The following CNOT2 variants were observed in gnomAD, a reference collection of about 807,000 sequenced individuals.
CNOT2 encodes the protein CC chemokine receptor 4-negative regulator of transcription 2.
Under a neutral mutation model 72.1 loss-of-function variants are expected in CNOT2, and 7 were observed. The ratio of observed to expected loss-of-function variants is 0.10; its 90% CI spans 0.06 to 0.18. CNOT2 has a LOEUF of 0.18. Ranked by LOEUF, CNOT2 falls within the 10% of genes least tolerant of loss-of-function variation. The pLI is 1.00. For synonymous variants in CNOT2, 196 were observed against 225.6 expected, an observed-to-expected ratio of 0.87 and a Z score of 1.17; for missense variants, 345 against 660.3, an observed-to-expected ratio of 0.52 and a Z score of 5.23.
intron 4 of CNOT2, among the ~76,000 whole-genome samples, chr12:70,326,432 T>A (rs898320610): frequency 6.6e-6 from 1 of 150,792 alleles, no homozygotes; most frequent in African/African-American, 2.4e-5. Context: ...CAAGAAAAAC[T>A]CCTTGAGTTC....
At position 70,335,484 on chromosome 12, in the gene CNOT2, A is replaced by C; in HGVS notation, c.696A>C (p.Ala232=). The C allele has an allele frequency of 6.2e-7, 1 of 1,607,626 alleles. No individual in the cohort carries two copies. The highest frequency in any genetic ancestry group is 8.5e-7 in the Non-Finnish European group (1 of 1,174,364). Reference sequence around the variant, plus strand: ...GATTGGACCTTTCAGATTTCCCAGCATTAGCAGACCGAAACAGGAGGGAAG... The same window carrying C: ...GATTGGACCTTTCAGATTTCCCAGCCTTAGCAGACCGAAACAGGAGGGAAG... ...VTGLDLSDFP[A]LADRNRREGS... Residue 232 remains alanine (A), a synonymous_variant, in exon 8 of 16, where the codon GCA becomes GCC. Transcript: ENST00000229195.
At chr12:70,351,809 A>G (rs1055272883) in intron 15 of CNOT2, among the ~76,000 whole-genome samples, 1 of 152,236 alleles carries the variant, frequency 6.6e-6, no homozygotes, top group Admixed American at 6.5e-5. Context: ...GAACCAAGCA[A>G]TAAAATTATT....
chr12:70,283,930 A>ATTTTTTTTT (rs776119049), intron 2 of CNOT2, among the ~76,000 whole-genome samples: 8 of 117,426 alleles, frequency 6.8e-5, no homozygotes, highest in East Asian at 5.4e-4. Context: ...CATGATGTAA[A>ATTTTTTTTT]TTTTTTTTTT....
chr12:70,264,818 A>G (rs1174871490), intron 1 of CNOT2, among the ~76,000 whole-genome samples: 1 of 152,152 alleles, frequency 6.6e-6, no homozygotes, highest in African/African-American at 2.4e-5. Flanking sequence ...TGCTATTTCT[A>G]TTGAGATTTA....
chr12:70,339,089 TATACACACAC>T (rs1881140162), intron 11 of CNOT2, among the ~76,000 whole-genome samples: 1 of 132,566 alleles, frequency 7.5e-6, no homozygotes, highest in South Asian at 2.4e-4. Flanking sequence ...TATATATATA[TATACACACAC>T]ACACACACAC....
At chr12:70,301,652 A>G (rs1056748367) in intron 2 of CNOT2, 8 of 152,226 alleles carry the variant, frequency 5.3e-5, no homozygotes, top group African/African-American at 1.7e-4. Context: ...TTTTGCATCA[A>G]TGTTTATCAA....
At chr12:70,280,429 T>C (rs1869627766) in intron 2 of CNOT2, among the ~76,000 whole-genome samples, 1 of 152,196 alleles carries the variant, frequency 6.6e-6, no homozygotes, top group South Asian at 2.1e-4. Context: ...TCCGAATTGA[T>C]GAAAATGATT....
At chr12:70,274,334 G>A (rs986413540) in intron 1 of CNOT2, among the ~76,000 whole-genome samples, 1 of 152,010 alleles carries the variant, frequency 6.6e-6, no homozygotes, top group Non-Finnish European at 1.5e-5. Flanking sequence ...ATGGCTAAAT[G>A]CATTTACTGC....
At position 70,330,423 on chromosome 12, in the gene CNOT2, T is replaced by C. The variant is rs769958668; in HGVS notation, c.523T>C (p.Cys175Arg). ...SPNRSSPSII[C>R]MPKQQPSRQP... ...CAACAGAAGCTCGCCAAGCATAATA[T>C]GTATGCCAAAGCAGCAGCCTTCTCG... is the stretch of plus-strand genomic sequence containing the variant. The change falls in exon 6 of 16, where the codon TGT (cysteine) becomes CGT (arginine). Residue 175 changes from cysteine (C) to arginine (R), a missense_variant. Around this residue, in one of 4 missense-constraint regions of CNOT2, gnomAD observed 157 missense variants for 235.3 expected, o/e 0.67. Coordinates refer to ENST00000229195, the MANE Select transcript of CNOT2 (RefSeq NM_014515.7). 6.2e-7 allele frequency: 1 copy of C among 1,612,584 alleles called. No individual in the cohort carries two copies. The highest frequency in any genetic ancestry group is 1.1e-5 in the South Asian group (1 of 91,018).
chr12:70,258,291 T>G (rs1292071944), intron 1 of CNOT2, among the ~76,000 whole-genome samples: 2 of 152,134 alleles, frequency 1.3e-5, no homozygotes, highest in South Asian at 2.1e-4. Context: ...CCAAGGGGTT[T>G]AAACTGGATA....
rs1565837103 is a variant in CNOT2 at position 70,346,365 on chromosome 12, GA to G, written c.1536+47del. The G allele has an allele frequency of 2.6e-6, 4 of 1,520,588 alleles. No homozygotes were observed. In the South Asian group the frequency reaches 4.6e-5, roughly 17 times the overall value. 94.2% of individuals were successfully genotyped at this position (1,520,588 alleles called of 1,614,324 possible). A position where few individuals can be genotyped will look rare whatever the true frequency, so the allele number is the denominator to read the frequency against. ...TGTGCAAATGTATAAATCTAAACTT[GA>G]AAAAAGAAGTGTCCTCTTTTATCTG... On this transcript the variant is annotated intron_variant, in intron 15 of 15. Coordinates refer to ENST00000229195, the MANE Select transcript of CNOT2 (RefSeq NM_014515.7).
chr12:70,317,727 T>C (rs1877603766), intron 3 of CNOT2, among the ~76,000 whole-genome samples: 1 of 151,088 alleles, frequency 6.6e-6, no homozygotes, highest in Non-Finnish European at 1.5e-5. Context: ...ATGTGTACCA[T>C]TGGTCTAAAA....
chr12:70,268,489 A>G (rs1351889533), intron 1 of CNOT2, among the ~76,000 whole-genome samples: 2 of 152,082 alleles, frequency 1.3e-5, no homozygotes, highest in Non-Finnish European at 2.9e-5. Flanking sequence ...TCTTTTTCCC[A>G]GGCTGGAGTG....
intron 4 of CNOT2, among the ~76,000 whole-genome samples, chr12:70,328,645 T>C (rs1879453207): frequency 6.6e-6 from 1 of 151,730 alleles, no homozygotes; most frequent in Admixed American, 6.6e-5. Context: ...AATATACATT[T>C]CTAAAAAAAG....
At chr12:70,326,188 T>C (rs1879049909) in intron 4 of CNOT2, among the ~76,000 whole-genome samples, 1 of 151,824 alleles carries the variant, frequency 6.6e-6, no homozygotes, top group African/African-American at 2.4e-5. Context: ...GAAAGAAAAA[T>C]TTGACTCAAA....
chr12:70,318,269 A>G (rs1202740953), intron 3 of CNOT2, among the ~76,000 whole-genome samples: 1 of 151,994 alleles, frequency 6.6e-6, no homozygotes, highest in East Asian at 1.9e-4. Flanking sequence ...CTTCTATGCC[A>G]TAACATGGGT....
At chr12:70,245,538 A>C (rs896303151) in intron 1 of CNOT2, among the ~76,000 whole-genome samples, 6 of 152,164 alleles carry the variant, frequency 3.9e-5, no homozygotes, top group African/African-American at 1.4e-4. Flanking sequence ...ACCTAATCTG[A>C]TCTCAGGGAA....
chr12:70,303,728 G>T (rs540952853), intron 2 of CNOT2, among the ~76,000 whole-genome samples: 3 of 152,184 alleles, frequency 2.0e-5, no homozygotes, highest in African/African-American at 7.2e-5. Context: ...TATCTTTGTG[G>T]AGTCCTCTCT....
Position 70,310,992 on chromosome 12 carries a change from T to C in CNOT2, c.146T>C (p.Met49Thr). ...DENMYYSQSS[M>T]FPHRSEKDML... Reference sequence around the variant, plus strand: ...AACATGTACTACAGCCAGTCTTCTATGTTTCCACATCGGTCAGAAAAAGAT... The same window carrying C: ...AACATGTACTACAGCCAGTCTTCTACGTTTCCACATCGGTCAGAAAAAGAT... The change falls in exon 3 of 16, where the codon ATG becomes ACG. Residue 49 changes from methionine to threonine, a missense_variant. Transcript: ENST00000229195. The C allele has an allele frequency of 6.2e-7, 1 of 1,600,234 alleles. No homozygotes were observed. Among genetic ancestry groups the C allele is most frequent in the Non-Finnish European group, 8.6e-7 (1 of 1,167,918 alleles).
Sources: gnomAD v4.1 joint callset for allele counts (sites outside exome capture counted in the v4.1 genomes callset) on GRCh38, gnomAD v4.1.1 for gene constraint, gnomAD v4.1.1 regional missense constraint, MANE v1.5 for transcripts, NCBI Gene and HGNC (gene_info 2026-07-23, HGNC 2026-07-21) for gene names.